MYO16: variants seen among roughly 807,000 people sequenced by gnomAD.
MYO16 encodes myosin XVI, also known as unconventional myosin-XVI.
A neutral mutation model predicts 205.3 loss-of-function variants in MYO16; 94 were observed. The ratio of observed to expected loss-of-function variants is 0.46; its 90% CI spans 0.39 to 0.54. MYO16 has a LOEUF of 0.54. Among genes scored for constraint, MYO16 ranks in the 20% least tolerant of loss-of-function variants. The pLI is 0.00. For synonymous variants in MYO16, 988 were observed against 954.0 expected, an observed-to-expected ratio of 1.04 and a Z score of -0.66; for missense variants, 2,315 against 2,387.5, an observed-to-expected ratio of 0.97 and a Z score of 0.63.
At chr13:108,789,173 C>A (rs1886544030) in intron 5 of MYO16, among the ~76,000 whole-genome samples, 1 of 152,204 alleles carries the variant, frequency 6.6e-6, no homozygotes. Flanking sequence ...TGTCCTTTCA[C>A]TGTGTGTATT....
chr13:108,567,067 T>C, the MYO16 span, among the ~76,000 whole-genome samples: 1 of 152,146 alleles, frequency 6.6e-6, no homozygotes, highest in Non-Finnish European at 1.5e-5. Flanking sequence ...TGAATATCTT[T>C]GAGCTGAAAC....
intron 5 of MYO16, among the ~76,000 whole-genome samples, chr13:108,786,777 G>A (rs1019866): frequency 6.6e-6 from 1 of 152,088 alleles, no homozygotes; most frequent in Non-Finnish European, 1.5e-5. Flanking sequence ...TGCTCACATC[G>A]TCACCAAGTG....
intron 1 of MYO16, among the ~76,000 whole-genome samples, chr13:108,601,096 T>A (rs1878746572): frequency 6.6e-6 from 1 of 152,158 alleles, no homozygotes; most frequent in Non-Finnish European, 1.5e-5. Flanking sequence ...AGGGACCACT[T>A]TTTTTGCGAG....
At chr13:108,802,154 T>C (rs1886987042) in intron 6 of MYO16, among the ~76,000 whole-genome samples, 1 of 152,186 alleles carries the variant, frequency 6.6e-6, no homozygotes, top group Non-Finnish European at 1.5e-5. Context: ...TTGTTGACAA[T>C]AGTCATCCTG....
chr13:109,156,911 T>C (rs542480365), intron 32 of MYO16, among the ~76,000 whole-genome samples: 1 of 152,340 alleles, frequency 6.6e-6, no homozygotes, highest in South Asian at 2.1e-4. Context: ...AAGTCTCTCC[T>C]AGCTGTTTCC....
chr13:109,153,420 AT>A (rs915182262), intron 32 of MYO16, among the ~76,000 whole-genome samples: 21 of 141,492 alleles, frequency 1.5e-4, no homozygotes, highest in African/African-American at 5.5e-4. Flanking sequence ...GAAAGGATAG[AT>A]TTTTTTCTTG....
chr13:108,973,279 A>G (rs980229873), intron 20 of MYO16, among the ~76,000 whole-genome samples: 2 of 152,138 alleles, frequency 1.3e-5, no homozygotes, highest in Non-Finnish European at 2.9e-5. Flanking sequence ...TAATTGTATT[A>G]TGGGTTTAAA....
the MYO16 span, among the ~76,000 whole-genome samples, chr13:108,525,754 C>T: frequency 3.9e-5 from 6 of 152,166 alleles, no homozygotes; most frequent in African/African-American, 7.2e-5. Context: ...GAGGGTTTCA[C>T]GAGAATCCTA....
At chr13:109,180,153 A>G (rs1879396754) in intron 34 of MYO16, among the ~76,000 whole-genome samples, 1 of 152,192 alleles carries the variant, frequency 6.6e-6, no homozygotes, top group African/African-American at 2.4e-5. Context: ...GCAGTCCACA[A>G]AACTGTTTGG....
At chr13:108,813,093 A>C (rs1040174829) in intron 7 of MYO16, among the ~76,000 whole-genome samples, 2 of 152,160 alleles carry the variant, frequency 1.3e-5, no homozygotes, top group African/African-American at 4.8e-5. Context: ...CGGGCAGAGG[A>C]GGATTATGAG....
chr13:109,003,644 A>C (rs1361321817), intron 21 of MYO16, among the ~76,000 whole-genome samples: 5 of 152,250 alleles, frequency 3.3e-5, no homozygotes, highest in Admixed American at 2.6e-4. Flanking sequence ...ATCTACATTC[A>C]TACTTGGTTT....
chr13:108,668,646 A>G (rs904912725), intron 2 of MYO16, among the ~76,000 whole-genome samples: 1 of 152,100 alleles, frequency 6.6e-6, no homozygotes, highest in Non-Finnish European at 1.5e-5. Flanking sequence ...CGGGGCAGGG[A>G]CAGTGCTCCT....
chr13:108,970,903 T>C (rs551715092), intron 20 of MYO16, among the ~76,000 whole-genome samples: 1 of 152,208 alleles, frequency 6.6e-6, no homozygotes, highest in African/African-American at 2.4e-5. Context: ...GGCTAAAGAA[T>C]GGGAAAGTGT....
intron 4 of MYO16, among the ~76,000 whole-genome samples, chr13:108,754,497 G>T (rs1885356751): frequency 6.6e-6 from 1 of 150,836 alleles, no homozygotes; most frequent in Admixed American, 6.6e-5. Flanking sequence ...GAATAAAACT[G>T]CTAGTTACAG....
chr13:109,020,186 G>T (rs963403067), intron 23 of MYO16, among the ~76,000 whole-genome samples: 1 of 152,138 alleles, frequency 6.6e-6, no homozygotes, highest in African/African-American at 2.4e-5. Context: ...AATACAAAGA[G>T]CTCTGCTATA....
chr13:108,692,891 C>T (rs756483471), intron 2 of MYO16, among the ~76,000 whole-genome samples: 14 of 152,096 alleles, frequency 9.2e-5, no homozygotes, highest in Admixed American at 2.0e-4. Context: ...GAACTAGCTC[C>T]GTCTCCATGG....
At chr13:108,649,236 C>A (rs1880892755) in intron 1 of MYO16, among the ~76,000 whole-genome samples, 1 of 152,148 alleles carries the variant, frequency 6.6e-6, no homozygotes, top group Non-Finnish European at 1.5e-5. Context: ...AAAAAAATTC[C>A]AGTGTCCATT....
the MYO16 span, among the ~76,000 whole-genome samples, chr13:108,552,545 CT>C: frequency 6.6e-6 from 1 of 152,142 alleles, no homozygotes; most frequent in African/African-American, 2.4e-5. Context: ...TTACCTACAG[CT>C]TATGTTCAAC....
chr13:109,032,705 A>G lies in MYO16; in HGVS notation c.2796+12794A>G. Among the ~76,000 whole-genome samples the G allele has an allele frequency of 1.3e-5, 2 of 152,198 alleles. 1 individual carries two copies. The highest frequency in any genetic ancestry group is 3.9e-4 in the East Asian group (2 of 5,192). On this transcript the variant is annotated intron_variant, in intron 23 of 34. Transcript: ENST00000457511. ...GCACACACATAAATCAAATACCACT[A>G]CTGACAGACACACATGCATATTAGC...
Sources: allele counts gnomAD v4.1 joint callset (sites outside exome capture counted in the v4.1 genomes callset), GRCh38; gene constraint gnomAD v4.1.1; transcripts MANE v1.5; gene names NCBI Gene and HGNC (gene_info 2026-07-23, HGNC 2026-07-21).